Variants in CDYL observed in about 807,000 individuals in gnomAD.
The protein encoded by CDYL is chromodomain Y-like protein.
In CDYL, 8 loss-of-function variants were observed where a neutral mutation model predicts 47.3. The ratio of observed to expected loss-of-function variants is 0.17; its 90% CI spans 0.10 to 0.31. CDYL has a LOEUF of 0.31. Among genes scored for constraint, CDYL ranks in the 10% least tolerant of loss-of-function variants. The pLI, the probability that CDYL is intolerant of heterozygous loss-of-function variation, is 1.00. For missense variants in CDYL, 471 were observed against 701.4 expected (o/e 0.67, Z 3.71); for synonymous variants, 266 against 265.0 (o/e 1.00, Z -0.04).
chr6:4,933,166 G>T (rs560250379), intron 2 of CDYL, among the ~76,000 whole-genome samples: 47 of 152,186 alleles, frequency 3.1e-4, no homozygotes, highest in Non-Finnish European at 6.5e-4. Context: ...GCTTCAGCAG[G>T]CTCACTCTCT....
intron 1 of CDYL, among the ~76,000 whole-genome samples, chr6:4,884,895 G>T (rs1438357899): frequency 6.6e-6 from 1 of 152,188 alleles, no homozygotes; most frequent in Non-Finnish European, 1.5e-5. Context: ...AAAAGCGGTA[G>T]TCCCCGTTTA....
At chr6:4,848,898 T>C (rs896076160) in intron 1 of CDYL, among the ~76,000 whole-genome samples, 2 of 152,252 alleles carry the variant, frequency 1.3e-5, no homozygotes, top group Admixed American at 1.3e-4. Flanking sequence ...ATTGTATTTA[T>C]AGGATATTTG....
intron 2 of CDYL, among the ~76,000 whole-genome samples, chr6:4,733,545 A>G (rs1432593525): frequency 6.6e-6 from 1 of 152,110 alleles, no homozygotes; most frequent in Admixed American, 6.5e-5. Flanking sequence ...ACTTTTTTCA[A>G]CCTCTGGCTC....
rs146474429 is a variant in CDYL, at chr6:4,883,053, G to T, written c.25-8660G>T. On this transcript the variant is annotated intron_variant, in intron 1 of 6. Transcript: ENST00000397588. Reference sequence around the variant, plus strand: ...GAGGACATAATCAATCTGTGTAAGCGACCTAAAATTGCCTTGTCCCTCTTG... The same window carrying T: ...GAGGACATAATCAATCTGTGTAAGCTACCTAAAATTGCCTTGTCCCTCTTG... 4.4e-3 allele frequency among the ~76,000 whole-genome samples: 665 copies of T among 152,276 alleles called. 3 individuals carry two copies. Among genetic ancestry groups the T allele is most frequent in the Non-Finnish European group, 6.6e-3 (447 of 68,012 alleles).
chr6:4,821,796 A>G (rs1759847036), intron 1 of CDYL, among the ~76,000 whole-genome samples: 2 of 151,970 alleles, frequency 1.3e-5, no homozygotes, highest in African/African-American at 4.8e-5. Context: ...GTGGCTTACC[A>G]GATTTAAAGC....
intron 1 of CDYL, among the ~76,000 whole-genome samples, chr6:4,851,712 C>T (rs1760834448): frequency 2.0e-5 from 3 of 152,218 alleles, no homozygotes; most frequent in Admixed American, 2.0e-4. Context: ...ACGCAACAAT[C>T]CCTGATCGTG....
chr6:4,785,409 A>G (rs62386570), intron 1 of CDYL, among the ~76,000 whole-genome samples: 19,713 of 152,164 alleles, frequency 0.13, 1,724 homozygotes, highest in South Asian at 0.25. Context: ...GCTCTCTGCT[A>G]TGTGAAGTTT....
chr6:4,944,912 T>TTCG lies in CDYL; in HGVS notation c.1332+1160_1332+1162dup, dbSNP rs577235904. Among the ~76,000 whole-genome samples, 222 of 152,308 alleles carry TTCG rather than the reference T, an allele frequency of 1.5e-3. 2 individuals carry two copies. The highest frequency in any genetic ancestry group is 5.1e-3 in the African/African-American group (210 of 41,552). The stretch of plus-strand genomic sequence containing the variant: ...ATGAAGCACTGAGGGGAACACAGCC[T>TTCG]TCGTCGCTGCGTGGGATTTCTCCTG... On this transcript the variant is annotated intron_variant, in intron 5 of 6. Transcript: ENST00000397588.
chr6:4,729,467 C>G (rs983861153), intron 2 of CDYL, among the ~76,000 whole-genome samples: 9 of 151,882 alleles, frequency 5.9e-5, no homozygotes, highest in Non-Finnish European at 1.3e-4. Flanking sequence ...TGGGATTACT[C>G]CCAGGTTATA....
intron 2 of CDYL, among the ~76,000 whole-genome samples, chr6:4,898,794 C>A (rs1176596651): frequency 6.6e-6 from 1 of 152,236 alleles, no homozygotes; most frequent in Non-Finnish European, 1.5e-5. Flanking sequence ...AAAACATGCA[C>A]ACCATAATGA....
At chr6:4,807,117 C>G (rs1318376351) in intron 1 of CDYL, among the ~76,000 whole-genome samples, 1 of 152,152 alleles carries the variant, frequency 6.6e-6, no homozygotes, top group East Asian at 1.9e-4. Context: ...GGCTCACCCT[C>G]TAGATCTCAT....
rs1758787415 is a variant in CDYL at position 4,953,878 on chromosome 6, C to G, written c.1477-20C>G. On this transcript the variant is annotated intron_variant, in intron 6 of 6. Coordinates refer to ENST00000397588, the MANE Select transcript of CDYL (RefSeq NM_004824.4). Reference sequence around the variant, plus strand: ...TGCCCGCATGCACCCTGCTAACTGGCTGCTTGTTTTCCGGTGCAGGTGCTT... The same window carrying G: ...TGCCCGCATGCACCCTGCTAACTGGGTGCTTGTTTTCCGGTGCAGGTGCTT... 1 of 1,608,256 alleles carries G rather than the reference C, an allele frequency of 6.2e-7. No homozygotes were observed. The highest frequency in any genetic ancestry group is 1.1e-5 in the South Asian group (1 of 90,304).
At chr6:4,882,130 C>T (rs1206276508) in intron 1 of CDYL, among the ~76,000 whole-genome samples, 3 of 152,174 alleles carry the variant, frequency 2.0e-5, no homozygotes, top group Non-Finnish European at 2.9e-5. Context: ...CTGGGTACTG[C>T]GCTTGCTCCC....
At chr6:4,716,850 A>G (rs1208726138) in intron 2 of CDYL, among the ~76,000 whole-genome samples, 1 of 152,196 alleles carries the variant, frequency 6.6e-6, no homozygotes, top group African/African-American at 2.4e-5. Flanking sequence ...GACACTGACA[A>G]GGAGCTTTCA....
chr6:4,760,669 A>G (rs1236908968), intron 3 of CDYL, among the ~76,000 whole-genome samples: 4 of 152,226 alleles, frequency 2.6e-5, no homozygotes, highest in South Asian at 2.1e-4. Context: ...ATCTGGACCT[A>G]CGCTATGAGG....
At chr6:4,904,580 A>G (rs1382990582) in intron 2 of CDYL, among the ~76,000 whole-genome samples, 1 of 152,216 alleles carries the variant, frequency 6.6e-6, no homozygotes. Context: ...TTATGATAAC[A>G]TCTGGTCTGT....
intron 1 of CDYL, among the ~76,000 whole-genome samples, chr6:4,863,628 G>A (rs1337615649): frequency 2.0e-5 from 3 of 152,206 alleles, no homozygotes; most frequent in South Asian, 4.1e-4. Flanking sequence ...GTGAAATTAT[G>A]AAGAGTTGCT....
intron 1 of CDYL, among the ~76,000 whole-genome samples, chr6:4,781,144 G>A (rs886275396): frequency 6.6e-6 from 1 of 152,214 alleles, no homozygotes. Flanking sequence ...CGTATCTGGT[G>A]TGTAAAAAAT....
chr6:4,732,833 A>C (rs1757631540), intron 2 of CDYL, among the ~76,000 whole-genome samples: 2 of 152,320 alleles, frequency 1.3e-5, no homozygotes, highest in African/African-American at 4.8e-5. Flanking sequence ...GCGGCCTGGA[A>C]GACAGGCAGA....
Sources: gnomAD v4.1 joint callset for allele counts (sites outside exome capture counted in the v4.1 genomes callset) on GRCh38, gnomAD v4.1.1 for gene constraint, MANE v1.5 for transcripts, NCBI Gene and HGNC (gene_info 2026-07-23, HGNC 2026-07-21) for gene names.